The following ZNF800 variants were observed in gnomAD, a reference collection of about 807,000 sequenced individuals.
ZNF800 encodes zinc finger protein 800.
ZNF800 carries 13 observed loss-of-function variants against 59.5 expected under a neutral mutation model. That is an observed-to-expected ratio of 0.22 (90% confidence interval 0.14 to 0.35). ZNF800 has a LOEUF of 0.35. Among genes scored for constraint, ZNF800 ranks in the 10% least tolerant of loss-of-function variants. ZNF800 has a pLI of 1.00. For missense variants in ZNF800, 621 were observed against 783.7 expected (o/e 0.79, Z 2.48); for synonymous variants, 266 against 265.7 (o/e 1.00, Z -0.01).
rs777865848 is a variant in ZNF800, at chr7:127,373,488, A to T, written c.1848T>A (p.Ser616=). ...GIEVKVTKNF[S]LHRCNKCGKA... is the part of the protein sequence containing the mutation. Reference sequence around the variant, plus strand: ...TTCCACATTTATTGCATCTGTGAAGAGAAAAGTTTTTTGTGACTTTTACTT... The same window carrying T: ...TTCCACATTTATTGCATCTGTGAAGTGAAAAGTTTTTTGTGACTTTTACTT... The change falls in exon 5 of 6, where the codon TCT becomes TCA. Residue 616 remains serine, a synonymous_variant. Transcript: ENST00000265827. 6.8e-6 allele frequency: 11 copies of T among 1,614,038 alleles called. No individual in the cohort carries two copies. The highest frequency in any genetic ancestry group is 9.3e-6 in the Non-Finnish European group (11 of 1,180,016).
downstream of ZNF800, among the ~76,000 whole-genome samples, chr7:127,369,646 G>A (rs1046239615): frequency 6.6e-6 from 1 of 152,090 alleles, no homozygotes; most frequent in Non-Finnish European, 1.5e-5. Flanking sequence ...ATGTAGGCAA[G>A]TACTGACACA....
chr7:127,379,860 C>CA (rs1800917301), intron 3 of ZNF800, among the ~76,000 whole-genome samples: 1 of 73,856 alleles, frequency 1.4e-5, no homozygotes, highest in Non-Finnish European at 2.8e-5. Flanking sequence ...CCACCCCCCC[C>CA]ACACACACAC....
In ZNF800 at chr7:127,386,039, T is replaced by C. The variant is rs768717329; in HGVS notation, c.157+21A>G. On this transcript the variant is annotated intron_variant, in intron 3 of 5. Transcript: ENST00000265827. Reference sequence around the variant, plus strand: ...TAACTACTATGTGAAGATTGAAAAATATATCCTAAAACATTCATACCTGAT... The same window carrying C: ...TAACTACTATGTGAAGATTGAAAAACATATCCTAAAACATTCATACCTGAT... 6 of 1,563,976 alleles carry C rather than the reference T, an allele frequency of 3.8e-6. No homozygotes were observed. The East Asian group carries it at 9.1e-5, about 24-fold the overall frequency.
exon 2 of ZNF800, chr7:127,347,871 G>T (rs1362506313): frequency 3.3e-5 from 5 of 150,850 alleles, no homozygotes; most frequent in African/African-American, 1.2e-4. Context: ...GGAGCCGCGG[G>T]CTTCCCCAGG....
chr7:127,380,245 A>G (rs1800934848), intron 3 of ZNF800, among the ~76,000 whole-genome samples: 1 of 152,148 alleles, frequency 6.6e-6, no homozygotes. Context: ...AAACTGGAAG[A>G]TTAGAACAGA....
At chr7:127,352,098 GATAA>G (rs1385253012) in intron 1 of ZNF800, among the ~76,000 whole-genome samples, 1 of 152,062 alleles carries the variant, frequency 6.6e-6, no homozygotes, top group Non-Finnish European at 1.5e-5. Context: ...CAACATTAAG[GATAA>G]ATAAAATTGA....
intron 2 of ZNF800, among the ~76,000 whole-genome samples, chr7:127,387,109 T>C (rs1427072903): frequency 6.6e-6 from 1 of 152,146 alleles, no homozygotes; most frequent in Admixed American, 6.5e-5. Flanking sequence ...AAGAGGTTTA[T>C]ATTATCCCTA....
rs556003505 is a variant in ZNF800 at position 127,374,673 on chromosome 7, A to G, written c.663T>C (p.Ser221=). Residue 221 remains serine (S), a synonymous_variant, in exon 5 of 6, where the codon TCT becomes TCC. Coordinates refer to ENST00000265827, the MANE Select transcript of ZNF800 (RefSeq NM_176814.5). ...ACTGGTGACCAAAATCAGAATTGTCAGAAGTTTCCAAGTCAGCCTGCGACT... is the reference window on the plus strand; with the variant it reads ...ACTGGTGACCAAAATCAGAATTGTCGGAAGTTTCCAAGTCAGCCTGCGACT... ...PQESQADLET[S]DNSDFGHQLI... The G allele has an allele frequency of 2.2e-5, 36 of 1,614,026 alleles. No individual in the cohort carries two copies. The highest frequency in any genetic ancestry group is 1.1e-4 in the East Asian group (5 of 44,882).
intron 3 of ZNF800, among the ~76,000 whole-genome samples, chr7:127,379,844 A>ACCCCCCCCCCCC (rs1562907457): frequency 1.2e-3 from 17 of 13,928 alleles, no homozygotes; most frequent in South Asian, 5.0e-3. Flanking sequence ...CCACCCCCCC[A>ACCCCCCCCCCCC]CCCCCCCACC....
At chr7:127,381,828 G>A (rs941009957) in intron 3 of ZNF800, among the ~76,000 whole-genome samples, 1 of 151,824 alleles carries the variant, frequency 6.6e-6, no homozygotes, top group African/African-American at 2.4e-5. Context: ...ATGTACCTCA[G>A]AAAAATCACG....
intron 4 of ZNF800, among the ~76,000 whole-genome samples, chr7:127,376,390 AGAAT>A (rs1466759799): frequency 6.6e-6 from 1 of 151,956 alleles, no homozygotes; most frequent in African/African-American, 2.4e-5. Context: ...TAAACAAGAA[AGAAT>A]AAGGTAGCCC....
intron 1 of ZNF800, chr7:127,351,385 C>T (rs1009961249): frequency 6.6e-6 from 1 of 152,328 alleles, no homozygotes; most frequent in African/African-American, 2.4e-5. Context: ...ACAATGGTTC[C>T]TATCTTTGAC....
At chr7:127,362,239 T>C (rs1005985944) in intron 1 of ZNF800, 1 of 152,100 alleles carries the variant, frequency 6.6e-6, no homozygotes, top group African/African-American at 2.4e-5. Context: ...GAAATACAAA[T>C]AGCCTCCATG....
exon 2 of ZNF800, chr7:127,347,388 G>T (rs1461651132): frequency 2.1e-4 from 31 of 145,086 alleles, no homozygotes; most frequent in Admixed American, 2.1e-3. Context: ...TGGCGGGGGG[G>T]TGGGGAGGTG....
At chr7:127,378,627 A>C (rs766176142) in intron 3 of ZNF800, among the ~76,000 whole-genome samples, 2 of 152,038 alleles carry the variant, frequency 1.3e-5, no homozygotes, top group Non-Finnish European at 2.9e-5. Flanking sequence ...GCTCAGATTC[A>C]ATATTTTGCA....
chr7:127,379,852 ACCCCCCC>A (rs1562907479), intron 3 of ZNF800, among the ~76,000 whole-genome samples: 1 of 16,158 alleles, frequency 6.2e-5, no homozygotes, highest in Non-Finnish European at 1.2e-4. Context: ...CCACCCCCCC[ACCCCCCC>A]CACACACACA....
chr7:127,384,252 T>TTTTTTTTTTTTTTG (rs1562909676), intron 3 of ZNF800, among the ~76,000 whole-genome samples: 1 of 134,824 alleles, frequency 7.4e-6, no homozygotes, highest in East Asian at 2.2e-4. Context: ...TTTTTTTTTT[T>TTTTTTTTTTTTTTG]AGACAGAGTC....
At chr7:127,384,142 C>G (rs557238182) in intron 3 of ZNF800, among the ~76,000 whole-genome samples, 22 of 150,262 alleles carry the variant, frequency 1.5e-4, no homozygotes, top group Non-Finnish European at 3.1e-4. Context: ...AATTCTGTAC[C>G]CACACAGATT....
intron 1 of ZNF800, among the ~76,000 whole-genome samples, chr7:127,355,249 C>A (rs1434946866): frequency 1.3e-5 from 2 of 151,814 alleles, no homozygotes; most frequent in Non-Finnish European, 2.9e-5. Context: ...AAGCTTAGAC[C>A]AGGAAAAATA....
Sources: allele counts gnomAD v4.1 joint callset (sites outside exome capture counted in the v4.1 genomes callset), GRCh38; gene constraint gnomAD v4.1.1; transcripts MANE v1.5; gene names NCBI Gene and HGNC (gene_info 2026-07-23, HGNC 2026-07-21).